Variants in AKAP12 observed in about 807,000 individuals in gnomAD.
AKAP12 encodes the protein A-kinase anchoring protein 12.
AKAP12 carries 32 observed loss-of-function variants against 79.9 expected under a neutral mutation model. The ratio of observed to expected loss-of-function variants is 0.40; its 90% CI spans 0.30 to 0.54. AKAP12 has a LOEUF of 0.54. Among genes scored for constraint, AKAP12 ranks in the 20% least tolerant of loss-of-function variants. The probability of loss-of-function intolerance (pLI) is 0.48; values close to 1 mark genes in which losing one functional copy is unlikely to be tolerated. For synonymous variants in AKAP12, 808 were observed against 857.0 expected (o/e 0.94, Z 1.00); for missense variants, 2,074 against 2,177.0 (o/e 0.95, Z 0.94).
At chr6:151,325,336 A>G (rs1402118617) in intron 3 of AKAP12, 8 of 985,466 alleles carry the variant, frequency 8.1e-6, no homozygotes, top group Non-Finnish European at 9.6e-6. Flanking sequence ...AAATGACTTA[A>G]AAAGCTGAGA....
chr6:151,262,182 C>T (rs923247312), intron 2 of AKAP12, among the ~76,000 whole-genome samples: 1 of 151,998 alleles, frequency 6.6e-6, no homozygotes, highest in African/African-American at 2.4e-5. Context: ...GGTGATCCAC[C>T]CGCCTCAGGT....
At position 151,282,223 on chromosome 6, in the gene AKAP12, C is replaced by T. The variant is rs547300269; in HGVS notation, c.163-23524C>T. On this transcript the variant is annotated intron_variant, in intron 2 of 4. Transcript: ENST00000402676. ...GTTGCAGTGAGCCGAGTAGTAGCTG[C>T]CTCAGCCTCCTGAATAGCTGGGACT... Among the ~76,000 whole-genome samples the T allele has an allele frequency of 1.6e-4, 24 of 152,078 alleles. 1 individual carries two copies. The highest frequency in any genetic ancestry group is 2.9e-4 in the Non-Finnish European group (20 of 68,006).
chr6:151,299,474 A>G (rs965020059), intron 2 of AKAP12, among the ~76,000 whole-genome samples: 3 of 152,224 alleles, frequency 2.0e-5, no homozygotes, highest in African/African-American at 7.2e-5. Context: ...AAGATTTGGT[A>G]CATATTGTTC....
chr6:151,251,207 A>G (rs576857959), intron 2 of AKAP12, among the ~76,000 whole-genome samples: 33 of 152,304 alleles, frequency 2.2e-4, no homozygotes, highest in Non-Finnish European at 3.5e-4. Flanking sequence ...ATGAAAGAGG[A>G]TAAGTTGCAG....
intron 3 of AKAP12, among the ~76,000 whole-genome samples, chr6:151,329,423 TAAGC>T (rs894374674): frequency 2.0e-5 from 3 of 152,246 alleles, no homozygotes; most frequent in South Asian, 2.1e-4. Context: ...CTTTTTGAAT[TAAGC>T]AAGTATCTTT....
chr6:151,321,759 A>G (rs907883121), intron 3 of AKAP12, among the ~76,000 whole-genome samples: 3 of 152,088 alleles, frequency 2.0e-5, no homozygotes, highest in Non-Finnish European at 2.9e-5. Context: ...AGGAACTACC[A>G]GCCTATTTTC....
chr6:151,327,893 C>A (rs143089612), intron 3 of AKAP12, among the ~76,000 whole-genome samples: 1 of 152,154 alleles, frequency 6.6e-6, no homozygotes, highest in Non-Finnish European at 1.5e-5. Context: ...AGAAATCTTA[C>A]GTAGTGGAAA....
At position 151,353,271 on chromosome 6, in the gene AKAP12, A is replaced by G. The variant is rs955276706; in HGVS notation, c.4880A>G (p.His1627Arg). The change falls in exon 4 of 5, where the codon CAT becomes CGT. Residue 1627 changes from histidine (H) to arginine (R), a missense_variant. His to Arg is a conservative substitution (Grantham distance 29). Coordinates refer to ENST00000402676, the MANE Select transcript of AKAP12 (RefSeq NM_005100.4). ...GAGTCAACCGCAGTGGGACAAGCAC[A>G]TTCTGATATTTCCAAAGACATGAGT... ...ESESTAVGQA[H>R]SDISKDMSEA... The G allele has an allele frequency of 6.2e-6, 10 of 1,614,080 alleles. No individual in the cohort carries two copies. In the Admixed American group the frequency reaches 6.7e-5, roughly 11 times the overall value.
chr6:151,314,793 G>A (rs899731614), intron 3 of AKAP12, among the ~76,000 whole-genome samples: 2 of 152,074 alleles, frequency 1.3e-5, no homozygotes, highest in Admixed American at 6.5e-5. Context: ...AGTGGCTCAC[G>A]CCTGTAATCC....
At position 151,351,777 on chromosome 6, in the gene AKAP12, G is replaced by C. The variant is rs774307649; in HGVS notation, c.3386G>C (p.Ser1129Thr). Residue 1129 changes from serine (S) to threonine (T), a missense_variant, in exon 4 of 5, where the codon AGC (serine) becomes ACC (threonine). Ser to Thr is a moderately conservative substitution (Grantham distance 58). Coordinates refer to ENST00000402676, the MANE Select transcript of AKAP12 (RefSeq NM_005100.4). The surrounding 1 kb of genome is among the most constrained non-coding windows in gnomAD (Gnocchi z 4.4). Reference protein sequence around the residue: ...SFEKAPQVTESIESSELVTTC... With the variant: ...SFEKAPQVTETIESSELVTTC... ...GAAAAAGCTCCTCAAGTCACAGAGA[G>C]CATAGAGTCCAGTGAGCTTGTAACC... is the stretch of plus-strand genomic sequence containing the variant. 1.2e-6 allele frequency: 2 copies of C among 1,614,190 alleles called. No individual in the cohort carries two copies. Among genetic ancestry groups the C allele is most frequent in the Non-Finnish European group, 1.7e-6 (2 of 1,180,034 alleles).
At position 151,352,125 on chromosome 6, in the gene AKAP12, A is replaced by C. The variant is rs1337364410; in HGVS notation, c.3734A>C (p.His1245Pro). ...EQSKMEDTLE[H>P]TDKEVSVETV... ...TCAAAGATGGAAGACACTCTAGAGC[A>C]TACAGATAAAGAGGTGTCAGTGGAA... Residue 1245 changes from histidine (H) to proline (P), a missense_variant, in exon 4 of 5, where the codon CAT becomes CCT. Transcript: ENST00000402676. 1 of 1,614,196 alleles carries C rather than the reference A, an allele frequency of 6.2e-7. No homozygotes were observed. Among genetic ancestry groups the C allele is most frequent in the African/African-American group, 1.3e-5 (1 of 75,048 alleles).
intron 2 of AKAP12, among the ~76,000 whole-genome samples, chr6:151,242,491 G>A (rs1232119908): frequency 6.6e-6 from 1 of 152,186 alleles, no homozygotes; most frequent in Admixed American, 6.5e-5. Flanking sequence ...TATCAATTTG[G>A]AGACAAATCA....
At chr6:151,274,238 C>T (rs1392179174) in intron 2 of AKAP12, among the ~76,000 whole-genome samples, 1 of 152,038 alleles carries the variant, frequency 6.6e-6, no homozygotes, top group Non-Finnish European at 1.5e-5. Flanking sequence ...CCACTACGCC[C>T]TGCTGATTTT....
At chr6:151,280,128 G>T (rs1326529975) in intron 2 of AKAP12, among the ~76,000 whole-genome samples, 1 of 151,190 alleles carries the variant, frequency 6.6e-6, no homozygotes, top group Non-Finnish European at 1.5e-5. Context: ...TTTTGGTTCA[G>T]TATACACAGA....
intron 2 of AKAP12, among the ~76,000 whole-genome samples, chr6:151,248,711 C>T (rs952075639): frequency 1.3e-5 from 2 of 152,176 alleles, no homozygotes; most frequent in East Asian, 1.9e-4. Context: ...GGTTGCTGGC[C>T]GGGCATGGTG....
chr6:151,252,624 A>T (rs1253588892), intron 2 of AKAP12, among the ~76,000 whole-genome samples: 1 of 147,166 alleles, frequency 6.8e-6, no homozygotes, highest in African/African-American at 2.5e-5. Flanking sequence ...ATGGTGGCTC[A>T]TGGTGGACCT....
intron 2 of AKAP12, among the ~76,000 whole-genome samples, chr6:151,295,854 C>T (rs897798736): frequency 2.0e-5 from 3 of 152,116 alleles, no homozygotes; most frequent in African/African-American, 7.2e-5. Context: ...GCCCTGTTTT[C>T]GTCCTGTGGA....
intron 2 of AKAP12, among the ~76,000 whole-genome samples, chr6:151,267,749 G>A (rs566303828): frequency 1.2e-4 from 18 of 152,260 alleles, no homozygotes; most frequent in African/African-American, 4.3e-4. Context: ...AGACACCATC[G>A]CTATGTATCA....
At chr6:151,327,900 GA>G (rs966880691) in intron 3 of AKAP12, among the ~76,000 whole-genome samples, 8 of 152,322 alleles carry the variant, frequency 5.3e-5, no homozygotes, top group Admixed American at 6.5e-5. Flanking sequence ...TTACGTAGTG[GA>G]AAAAGTAAAA....
Sources: gnomAD v4.1 joint callset for allele counts (sites outside exome capture counted in the v4.1 genomes callset) on GRCh38, gnomAD v4.1.1 for gene constraint, Gnocchi (gnomAD v3.1) non-coding constraint, MANE v1.5 for transcripts, NCBI Gene and HGNC (gene_info 2026-07-23, HGNC 2026-07-21) for gene names.